Variants in GRTP1 observed in about 807,000 individuals in gnomAD.
GRTP1 encodes the protein growth hormone regulated TBC protein 1.
Under a neutral mutation model 38.1 loss-of-function variants are expected in GRTP1, and 56 were observed. The observed-to-expected ratio is 1.47, with a 90% CI of 1.19 to 1.84. GRTP1 has a LOEUF of 1.84. Ranked by LOEUF, GRTP1 falls within the 40% of genes most tolerant of loss-of-function variation. The probability of loss-of-function intolerance (pLI) is 0.00; values close to 1 mark genes in which losing one functional copy is unlikely to be tolerated. For missense variants in GRTP1, 506 were observed against 453.9 expected, an observed-to-expected ratio of 1.11 and a Z score of -1.04; for synonymous variants, 217 against 189.5, an observed-to-expected ratio of 1.14 and a Z score of -1.19.
chr13:113,337,535 T>C lies in GRTP1; in HGVS notation c.562+7328A>G, dbSNP rs190800393. ...AGAGTTCTTTTAAAAAAAAGTAGCT[T>C]ATGGCGAAACCTGGTATCAAGAGGC... On this transcript the variant is annotated intron_variant, in intron 5 of 7. Transcript: ENST00000375431. Among the ~76,000 whole-genome samples, 26 of 152,324 alleles carry C rather than the reference T, an allele frequency of 1.7e-4. 1 individual carries two copies. The East Asian group carries it at 4.8e-3, about 28-fold the overall frequency.
At chr13:113,325,597 C>T in intron 7 of GRTP1, 64 bp downstream of exon 7, 2 of 1,612,114 alleles carry the variant, frequency 1.2e-6, no homozygotes, top group South Asian at 1.1e-5. Context: ...TCAGAGCAGC[C>T]CCCGGGCTGC....
chr13:113,350,736 G>T, intron 4 of GRTP1, 113 bp downstream of exon 4: 1 of 1,038,256 alleles, frequency 9.6e-7, no homozygotes, highest in Non-Finnish European at 1.4e-6. Context: ...ATCAGGACGT[G>T]GAATTCATGA....
rs202194728 is a variant in GRTP1, at chr13:113,354,857, ACTTCT to A, written c.340+461_340+465del. On this transcript the variant is annotated intron_variant, in intron 3 of 7. Transcript: ENST00000375431. ...TTAATCAATTTTGTTAGCACTCTGA[ACTTCT>A]GAGAGCCAGGGACCCTATGGTTATG... is the stretch of plus-strand genomic sequence containing the variant. 8.8e-3 allele frequency among the ~76,000 whole-genome samples: 1,335 copies of A among 152,296 alleles called. 19 individuals carry two copies. The highest frequency in any genetic ancestry group is 0.031 in the African/African-American group (1,293 of 41,556).
intron 5 of GRTP1, among the ~76,000 whole-genome samples, chr13:113,333,076 T>A (rs979263664): frequency 2.0e-4 from 31 of 152,244 alleles, no homozygotes; most frequent in African/African-American, 7.0e-4. Flanking sequence ...ACATCAGGTC[T>A]TGATTCAGCC....
intron 4 of GRTP1, among the ~76,000 whole-genome samples, chr13:113,346,076 GAGCAGA>G: frequency 2.7e-4 from 2 of 7,340 alleles, no homozygotes; most frequent in East Asian, 5.2e-3. Flanking sequence ...CTCTGCGGCT[GAGCAGA>G]CCTGGGAAGA....
intron 5 of GRTP1, among the ~76,000 whole-genome samples, chr13:113,333,740 C>G (rs2042908754): frequency 6.6e-6 from 1 of 151,918 alleles, no homozygotes; most frequent in Admixed American, 6.6e-5. Flanking sequence ...ATCTGCCTGC[C>G]TAGGACTCCC....
chr13:113,335,196 T>G (rs1229969017), intron 5 of GRTP1, among the ~76,000 whole-genome samples: 2 of 152,154 alleles, frequency 1.3e-5, no homozygotes, highest in Non-Finnish European at 2.9e-5. Context: ...GGATACCTAA[T>G]AGGTGTACAT....
chr13:113,332,438 A>G (rs1462355643), intron 5 of GRTP1, among the ~76,000 whole-genome samples: 2 of 108,768 alleles, frequency 1.8e-5, no homozygotes, highest in Non-Finnish European at 4.0e-5. Context: ...ACAGGCACAC[A>G]CGTGCACACG....
chr13:113,338,134 C>T (rs887380669), intron 5 of GRTP1, among the ~76,000 whole-genome samples: 2 of 152,202 alleles, frequency 1.3e-5, no homozygotes, highest in Non-Finnish European at 2.9e-5. Flanking sequence ...GCCCGGTCAA[C>T]CTCCTCCTCT....
intron 3 of GRTP1, among the ~76,000 whole-genome samples, chr13:113,354,226 G>A (rs2043338119): frequency 1.3e-5 from 2 of 152,170 alleles, no homozygotes; most frequent in Non-Finnish European, 2.9e-5. Context: ...GCCAGGCTGT[G>A]CACTGGAGAC....
chr13:113,352,242 ATTTATATATATTTATATATT>A (rs1566437425), intron 3 of GRTP1, among the ~76,000 whole-genome samples: 5 of 91,270 alleles, frequency 5.5e-5, no homozygotes, highest in East Asian at 4.1e-4. Context: ...TTATATATAT[ATTTATATATATTTATATATT>A]TTTATATTTT....
At position 113,326,235 on chromosome 13, in the gene GRTP1, C is replaced by T. The variant is rs1035921442; in HGVS notation, c.563-144G>A. 89 of 982,214 alleles carry T rather than the reference C, an allele frequency of 9.1e-5. No homozygotes were observed. The East Asian group carries it at 1.5e-3, about 16-fold the overall frequency. 60.8% of individuals were successfully genotyped at this position (982,214 alleles called of 1,614,324 possible). A position where few individuals can be genotyped will look rare whatever the true frequency, so the allele number is the denominator to read the frequency against. ...AGGGACAAAGTTGGAGAGGAAGAGT[C>T]GGGGTGAGGCCTGCAGACACAGGGC... On this transcript the variant is annotated intron_variant, in intron 5 of 7. Coordinates refer to ENST00000375431, the MANE Select transcript of GRTP1 (RefSeq NM_024719.4).
intron 2 of GRTP1, 77 bp from the exon 3 acceptor site, chr13:113,355,558 C>T: frequency 1.4e-6 from 2 of 1,439,628 alleles, no homozygotes; most frequent in South Asian, 2.8e-5. Flanking sequence ...CCACACTTTC[C>T]ACTCTCACCA....
chr13:113,347,281 G>C (rs1196121316), intron 4 of GRTP1, among the ~76,000 whole-genome samples: 1 of 82,550 alleles, frequency 1.2e-5, no homozygotes, highest in African/African-American at 7.3e-5. Flanking sequence ...GACCCGGGAG[G>C]ACCTCTGTGG....
At chr13:113,356,363 G>C (rs1056638820) in intron 2 of GRTP1, among the ~76,000 whole-genome samples, 1 of 152,080 alleles carries the variant, frequency 6.6e-6, no homozygotes, top group African/African-American at 2.4e-5. Context: ...TGCCTCCCAG[G>C]TTCAAGCAAT....
chr13:113,355,728 A>C (rs1383870036), intron 2 of GRTP1: 3 of 345,882 alleles, frequency 8.7e-6, no homozygotes, highest in Non-Finnish European at 1.6e-5. Flanking sequence ...TTCACCATTC[A>C]ATGCAGGTGG....
rs114858017 is a variant in GRTP1, at chr13:113,349,321, C to A, written c.465+1528G>T. ...CTCTCACCTCAGCCCCTCGAGCAGC[C>A]GGGACCACAGGCGTGTGCCACCACA... On this transcript the variant is annotated intron_variant, in intron 4 of 7. Transcript: ENST00000375431. The surrounding 1 kb of genome is among the most constrained non-coding windows in gnomAD (Gnocchi z 5.0). 7.9e-5 allele frequency among the ~76,000 whole-genome samples: 12 copies of A among 151,416 alleles called. No individual in the cohort carries two copies. The highest frequency in any genetic ancestry group is 2.9e-5 in the Non-Finnish European group (2 of 67,930).
chr13:113,359,029 G>A (rs751093602), intron 2 of GRTP1, among the ~76,000 whole-genome samples: 40 of 152,182 alleles, frequency 2.6e-4, no homozygotes, highest in Non-Finnish European at 4.0e-4. Context: ...TTTAAAAATT[G>A]TAGTACATCC....
chr13:113,345,028 C>G lies in GRTP1; in HGVS notation c.466-69G>C, dbSNP rs140868729. The G allele has an allele frequency of 9.7e-3, 14,722 of 1,517,166 alleles. 100 individuals are homozygous for G. Among genetic ancestry groups the G allele is most frequent in the African/African-American group, 0.02 (1,418 of 71,786 alleles). The allele number at this position is 1,517,166 out of a possible 1,614,324, so 94.0% of individuals were successfully genotyped here. ...GCCCCCATTTGATTCTGCAATCATTCGGCTACAAACTACCCAGTTTCCATT... is the reference window on the plus strand; with the variant it reads ...GCCCCCATTTGATTCTGCAATCATTGGGCTACAAACTACCCAGTTTCCATT... On this transcript the variant is annotated intron_variant, in intron 4 of 7. Coordinates refer to ENST00000375431, the MANE Select transcript of GRTP1 (RefSeq NM_024719.4).
Sources: gnomAD v4.1 joint callset for allele counts (sites outside exome capture counted in the v4.1 genomes callset) on GRCh38, gnomAD v4.1.1 for gene constraint, Gnocchi (gnomAD v3.1) non-coding constraint, MANE v1.5 for transcripts, NCBI Gene and HGNC (gene_info 2026-07-23, HGNC 2026-07-21) for gene names.